LPA: variants seen among roughly 807,000 people sequenced by gnomAD.
The protein encoded by LPA is lipoprotein(a).
Under a neutral mutation model 197.9 loss-of-function variants are expected in LPA, and 199 were observed. That is an observed-to-expected ratio of 1.01 (90% CI 0.90 to 1.13). The LOEUF (loss-of-function observed/expected upper bound fraction) is 1.13, where lower values mean the gene tolerates loss of function less well. Ranked by LOEUF, LPA falls within the 50% of genes most tolerant of loss-of-function variation. LPA has a pLI of 0.00. For synonymous variants in LPA, 715 were observed against 639.5 expected, an observed-to-expected ratio of 1.12 and a Z score of -1.78; for missense variants, 1,853 against 1,785.8, an observed-to-expected ratio of 1.04 and a Z score of -0.68.
At chr6:160,589,841 G>A in intron 23 of LPA, 129 bp from the exon 24 acceptor site, 2 of 1,021,164 alleles carry the variant, frequency 2.0e-6, no homozygotes, top group Admixed American at 3.9e-5. Flanking sequence ...ACATTAGTAG[G>A]CAGATGGACA....
intron 20 of LPA, 38 bp downstream of exon 20, chr6:160,599,462 G>A (rs373517734): frequency 6.2e-7 from 1 of 1,611,282 alleles, no homozygotes; most frequent in Non-Finnish European, 8.5e-7. Flanking sequence ...AACTTCCATT[G>A]GCCCTTCCTT....
At chr6:160,583,452 G>GT (rs551724965) in intron 26 of LPA, among the ~76,000 whole-genome samples, 222 of 152,188 alleles carry the variant, frequency 1.5e-3, no homozygotes, top group African/African-American at 5.2e-3. Flanking sequence ...CTGAAGTATG[G>GT]TTTTTTGGGG....
At chr6:160,608,231 G>T (rs185569108) in intron 16 of LPA, among the ~76,000 whole-genome samples, 1 of 152,208 alleles carries the variant, frequency 6.6e-6, no homozygotes, top group East Asian at 1.9e-4. Context: ...ATTCCTTTGG[G>T]TCACCTCTCT....
chr6:160,552,605 A>T (rs1778184186), intron 30 of LPA, among the ~76,000 whole-genome samples: 1 of 152,194 alleles, frequency 6.6e-6, no homozygotes, highest in East Asian at 1.9e-4. Flanking sequence ...CTTCAATTTG[A>T]CCACATTCAC....
chr6:160,547,701 A>C (rs750524157), intron 32 of LPA, 88 bp downstream of exon 32: 65 of 1,579,432 alleles, frequency 4.1e-5, no homozygotes, highest in South Asian at 1.4e-4. Flanking sequence ...TAGCCTCCTG[A>C]AGTCTTTCCA....
intron 37 of LPA, among the ~76,000 whole-genome samples, chr6:160,537,445 AGTCT>A (rs1777911397): frequency 6.6e-6 from 1 of 152,330 alleles, no homozygotes; most frequent in Admixed American, 6.5e-5. Flanking sequence ...TTAGAAACGC[AGTCT>A]GTCTAATTTC....
chr6:160,606,394 G>A (rs1350764033), intron 17 of LPA, 83 bp downstream of exon 17: 1 of 1,544,646 alleles, frequency 6.5e-7, no homozygotes, highest in Non-Finnish European at 8.9e-7. Flanking sequence ...GTTTACCATT[G>A]GAGGCTGCTG....
intron 24 of LPA, among the ~76,000 whole-genome samples, chr6:160,588,467 A>G (rs1202480007): frequency 6.6e-6 from 1 of 152,116 alleles, no homozygotes; most frequent in Non-Finnish European, 1.5e-5. Context: ...CAGAATTCAA[A>G]TATCCCCCAG....
chr6:160,610,927 T>A (rs559976010), intron 16 of LPA, among the ~76,000 whole-genome samples: 1 of 152,282 alleles, frequency 6.6e-6, no homozygotes, highest in East Asian at 1.9e-4. Context: ...GGCCAAATGA[T>A]TGGCCATGGG....
intron 2 of LPA, among the ~76,000 whole-genome samples, chr6:160,648,145 C>G (rs940732816): frequency 3.3e-5 from 5 of 152,134 alleles, no homozygotes; most frequent in Non-Finnish European, 7.4e-5. Flanking sequence ...ACGTTTATTA[C>G]TTTAATGTTA....
intron 18 of LPA, among the ~76,000 whole-genome samples, chr6:160,603,854 T>A (rs1229053087): frequency 3.3e-5 from 5 of 152,168 alleles, no homozygotes; most frequent in Non-Finnish European, 7.3e-5. Context: ...TCTAGAAATT[T>A]ACTAATTCTA....
chr6:160,545,640 C>T (rs950584919), intron 32 of LPA, 107 bp from the exon 33 acceptor site: 9 of 760,152 alleles, frequency 1.2e-5, no homozygotes, highest in South Asian at 2.8e-5. Flanking sequence ...CAAAAGGGAG[C>T]GTTCCTTCTT....
chr6:160,611,582 G>T lies in LPA; in HGVS notation c.2583C>A (p.Thr861=), dbSNP rs1444927547. Residue 861 remains threonine, a synonymous_variant, in exon 16 of 39, where the codon ACC becomes ACA. Transcript: ENST00000316300. The part of the protein sequence containing the change: ...SSMTPHSHSR[T]PEYYPNAGLI... ...CATACGCATTTGGGTAGTATTCTGG[G>T]GTCCGACTATGCGAGTGTGGTGTCA... 9 of 1,605,078 alleles carry T rather than the reference G, an allele frequency of 5.6e-6. No individual in the cohort carries two copies. Among genetic ancestry groups the T allele is most frequent in the Non-Finnish European group, 7.6e-6 (9 of 1,178,980 alleles).
chr6:160,590,704 G>A (rs1314760700), intron 23 of LPA, among the ~76,000 whole-genome samples: 1 of 151,982 alleles, frequency 6.6e-6, no homozygotes, highest in Non-Finnish European at 1.5e-5. Context: ...CCAGGGGAGT[G>A]GTAAATCCAG....
chr6:160,653,950 T>C (rs1191497702), intron 1 of LPA, among the ~76,000 whole-genome samples: 1 of 40,986 alleles, frequency 2.4e-5, no homozygotes, highest in African/African-American at 1.0e-4. Flanking sequence ...TTTATATATA[T>C]TATATATAAT....
intron 29 of LPA, among the ~76,000 whole-genome samples, chr6:160,556,782 C>T (rs377726203): frequency 6.6e-6 from 1 of 152,112 alleles, no homozygotes; most frequent in Non-Finnish European, 1.5e-5. Flanking sequence ...AAGTCTACTA[C>T]CCTTCCTCTC....
intron 1 of LPA, among the ~76,000 whole-genome samples, chr6:160,661,190 G>T (rs1780220433): frequency 6.6e-6 from 1 of 152,244 alleles, no homozygotes; most frequent in African/African-American, 2.4e-5. Flanking sequence ...GAGGCCAAAA[G>T]AGGCTAATAA....
In LPA at chr6:160,582,103, G is replaced by A. The variant is rs1024309992; in HGVS notation, c.4289+2943C>T. On this transcript the variant is annotated intron_variant, in intron 26 of 38. Coordinates refer to ENST00000316300, the MANE Select transcript of LPA (RefSeq NM_005577.4). Reference sequence around the variant, plus strand: ...TTAGGAGGACAGAATATGTACTTACGTAACATTCATTTTCAGTGGAATTGT... The same window carrying A: ...TTAGGAGGACAGAATATGTACTTACATAACATTCATTTTCAGTGGAATTGT... Among the ~76,000 whole-genome samples, 12 of 152,092 alleles carry A rather than the reference G, an allele frequency of 7.9e-5. No homozygotes were observed. The East Asian group carries it at 9.7e-4, about 12-fold the overall frequency.
chr6:160,600,556 G>A (rs1779218092), intron 19 of LPA, among the ~76,000 whole-genome samples: 1 of 152,152 alleles, frequency 6.6e-6, no homozygotes, highest in Admixed American at 6.5e-5. Context: ...ACTGAATGCT[G>A]TCTACTTGAA....
Sources: allele counts gnomAD v4.1 joint callset (sites outside exome capture counted in the v4.1 genomes callset), GRCh38; gene constraint gnomAD v4.1.1; transcripts MANE v1.5; gene names NCBI Gene and HGNC (gene_info 2026-07-23, HGNC 2026-07-21).